Variants in ESRRG observed in about 807,000 individuals in gnomAD.
ESRRG encodes estrogen related receptor gamma.
In ESRRG, 13 loss-of-function variants were observed where a neutral mutation model predicts 44.0. The ratio of observed to expected loss-of-function variants is 0.30; its 90% CI spans 0.19 to 0.47. The LOEUF (loss-of-function observed/expected upper bound fraction) is 0.47. Among genes scored for constraint, ESRRG ranks in the 20% least tolerant of loss-of-function variants. The probability of loss-of-function intolerance (pLI) is 1.00; values close to 1 mark genes in which losing one functional copy is unlikely to be tolerated. For missense variants in ESRRG, 395 were observed against 580.6 expected, an observed-to-expected ratio of 0.68 and a Z score of 3.29; for synonymous variants, 215 against 214.6, an observed-to-expected ratio of 1.00 and a Z score of -0.02.
intron 1 of ESRRG, among the ~76,000 whole-genome samples, chr1:216,975,820 T>C (rs544022158): frequency 4.5e-4 from 68 of 152,218 alleles, no homozygotes; most frequent in Non-Finnish European, 8.8e-4. Context: ...ACTACATTTG[T>C]TGAGTACATG....
intron 4 of ESRRG, among the ~76,000 whole-genome samples, chr1:216,564,835 T>C (rs2059400003): frequency 6.6e-6 from 1 of 152,166 alleles, no homozygotes; most frequent in Admixed American, 6.6e-5. Flanking sequence ...ATAGTCATAA[T>C]GGGCATGAAA....
At chr1:217,128,471 G>A (rs2092919133) in intron 1 of ESRRG, among the ~76,000 whole-genome samples, 1 of 152,156 alleles carries the variant, frequency 6.6e-6, no homozygotes, top group African/African-American at 2.4e-5. Context: ...TGCTAAATTA[G>A]AAACACCCTG....
Position 216,720,648 on chromosome 1 carries a change from G to A in ESRRG, c.56+2596C>T, listed in dbSNP as rs12567163. 1.6e-4 allele frequency among the ~76,000 whole-genome samples: 24 copies of A among 151,914 alleles called. No homozygotes were observed. In the East Asian group the frequency reaches 4.6e-3, roughly 29 times the overall value. On this transcript the variant is annotated intron_variant, in intron 1 of 6. Transcript: ENST00000408911. ...TAATTTGACATTATGGAATTACTTT[G>A]GGATTGTCTTGTTTTTTAATTAGTA...
chr1:217,097,087 C>T (rs758696243), intron 1 of ESRRG, among the ~76,000 whole-genome samples: 1 of 152,064 alleles, frequency 6.6e-6, no homozygotes, highest in East Asian at 1.9e-4. Context: ...TCGTGATGTG[C>T]ACCTGTAGTC....
chr1:216,914,696 AC>A (rs1381979264), intron 2 of ESRRG, among the ~76,000 whole-genome samples: 2 of 152,212 alleles, frequency 1.3e-5, no homozygotes, highest in African/African-American at 4.8e-5. Flanking sequence ...CCAGTAGCGT[AC>A]CTGATGCCAG....
intron 5 of ESRRG, among the ~76,000 whole-genome samples, chr1:216,538,316 A>C (rs1301940082): frequency 1.3e-5 from 2 of 151,912 alleles, no homozygotes; most frequent in Admixed American, 6.6e-5. Context: ...AATTGTCTTA[A>C]TTCATGTTTG....
chr1:216,869,417 C>G (rs1226791273), intron 2 of ESRRG, among the ~76,000 whole-genome samples: 1 of 152,048 alleles, frequency 6.6e-6, no homozygotes, highest in Non-Finnish European at 1.5e-5. Context: ...TGGTAATTGT[C>G]TATTTCAATA....
chr1:216,632,442 A>T (rs954115727), intron 3 of ESRRG, among the ~76,000 whole-genome samples: 1 of 152,222 alleles, frequency 6.6e-6, no homozygotes. Flanking sequence ...AGTCTGACTA[A>T]GCCAAAAGGA....
At chr1:217,079,364 A>G (rs565275917) in intron 1 of ESRRG, among the ~76,000 whole-genome samples, 1 of 152,352 alleles carries the variant, frequency 6.6e-6, no homozygotes, top group Admixed American at 6.5e-5. Context: ...TTAACAAAAG[A>G]CCATGTTAAA....
intron 1 of ESRRG, among the ~76,000 whole-genome samples, chr1:217,087,671 C>A (rs532822937): frequency 1.3e-5 from 2 of 152,298 alleles, no homozygotes; most frequent in East Asian, 1.9e-4. Flanking sequence ...CCATTCATCA[C>A]CCCAGTCAAT....
chr1:217,062,362 T>C (rs1258437984), intron 1 of ESRRG, among the ~76,000 whole-genome samples: 1 of 152,164 alleles, frequency 6.6e-6, no homozygotes, highest in Non-Finnish European at 1.5e-5. Context: ...TCTATTGGCC[T>C]CTGCCTATTA....
chr1:217,062,835 G>A (rs2088835432), intron 1 of ESRRG, among the ~76,000 whole-genome samples: 1 of 152,086 alleles, frequency 6.6e-6, no homozygotes, highest in Non-Finnish European at 1.5e-5. Flanking sequence ...CACCTGGTTT[G>A]GGTTGTATTT....
At chr1:217,088,952 G>A (rs1465404787) in intron 1 of ESRRG, among the ~76,000 whole-genome samples, 1 of 152,096 alleles carries the variant, frequency 6.6e-6, no homozygotes, top group Admixed American at 6.5e-5. Flanking sequence ...ACTCCCTCGG[G>A]AAGGTGAAAG....
intron 4 of ESRRG, among the ~76,000 whole-genome samples, chr1:216,565,349 A>G (rs1402529639): frequency 6.6e-6 from 1 of 152,134 alleles, no homozygotes; most frequent in African/African-American, 2.4e-5. Flanking sequence ...AAGTGAGGAG[A>G]TACAAACGGG....
intron 2 of ESRRG, among the ~76,000 whole-genome samples, chr1:216,819,420 CA>C (rs894434116): frequency 1.3e-4 from 20 of 152,188 alleles, no homozygotes; most frequent in Non-Finnish European, 1.9e-4. Context: ...CTTTTCCATT[CA>C]CCCAAAAGCA....
intron 5 of ESRRG, among the ~76,000 whole-genome samples, chr1:216,524,230 C>CAT (rs200660943): frequency 0.018 from 2,366 of 133,928 alleles, 59 homozygotes; most frequent in African/African-American, 0.063. Flanking sequence ...TATATATATA[C>CAT]ATATATATAT....
At chr1:216,771,590 T>G (rs906421568) in intron 2 of ESRRG, among the ~76,000 whole-genome samples, 7 of 152,046 alleles carry the variant, frequency 4.6e-5, no homozygotes, top group Non-Finnish European at 5.9e-5. Flanking sequence ...ATTCCTGCCA[T>G]GGGAAAAAAG....
chr1:216,876,905 T>C lies in ESRRG; in HGVS notation c.-14+62677A>G, dbSNP rs538010789. ...AAAAACAAATGCATAGTGTCAAAGA[T>C]GAAGGAAAGTACTTTTCAAACTTTC... On this transcript the variant is annotated intron_variant, in intron 2 of 7. Coordinates refer to the ESRRG transcript ENST00000359162. Among the ~76,000 whole-genome samples, 6 of 152,130 alleles carry C rather than the reference T, an allele frequency of 3.9e-5. No individual in the cohort carries two copies. In the East Asian group the frequency reaches 1.2e-3, roughly 29 times the overall value.
intron 2 of ESRRG, among the ~76,000 whole-genome samples, chr1:216,662,966 G>A (rs148803429): frequency 2.6e-5 from 4 of 152,264 alleles, no homozygotes; most frequent in African/African-American, 9.6e-5. Flanking sequence ...AGGCTGCAAC[G>A]ACAAAAATAC....
Sources: allele counts gnomAD v4.1 joint callset (sites outside exome capture counted in the v4.1 genomes callset), GRCh38; gene constraint gnomAD v4.1.1; transcripts MANE v1.5; gene names NCBI Gene and HGNC (gene_info 2026-07-23, HGNC 2026-07-21).